The following TIPIN variants were observed in gnomAD, a reference collection of about 807,000 sequenced individuals.
TIPIN encodes TIMELESS interacting protein, also known as TIMELESS-interacting protein.
A neutral mutation model predicts 35.6 loss-of-function variants in TIPIN; 29 were observed. The ratio of observed to expected loss-of-function variants is 0.82; its 90% CI spans 0.61 to 1.11. TIPIN has a LOEUF of 1.11. TIPIN is among the 50% of genes most tolerant of loss of function. The pLI is 0.00. For missense variants in TIPIN, 296 were observed against 345.4 expected (o/e 0.86, Z 1.13); for synonymous variants, 102 against 121.5 (o/e 0.84, Z 1.06).
At chr15:66,344,421 CA>C (rs550775969) in intron 6 of TIPIN, among the ~76,000 whole-genome samples, 2 of 146,036 alleles carry the variant, frequency 1.4e-5, no homozygotes, top group East Asian at 2.0e-4. Flanking sequence ...GTCTCTATTA[CA>C]AAAAAAAGTA....
chr15:66,341,512 T>TTCAATTA (rs2093087194), intron 6 of TIPIN, among the ~76,000 whole-genome samples, 156 bp from the exon 7 acceptor site: 5,216 of 6,490 alleles, frequency 0.8, 2,401 homozygotes, highest in Middle Eastern at 1. Context: ...CTCACGCCTG[T>TTCAATTA]AATCCCAGCA....
intron 1 of TIPIN, among the ~76,000 whole-genome samples, chr15:66,355,027 CTTTT>C (rs747834289): frequency 1.8e-5 from 2 of 112,718 alleles, no homozygotes; most frequent in Admixed American, 1.0e-4. Flanking sequence ...CAATATATAT[CTTTT>C]TTTTTTTTTT....
upstream of TIPIN, among the ~76,000 whole-genome samples, chr15:66,360,548 C>T (rs138171013): frequency 3.3e-5 from 5 of 152,218 alleles, no homozygotes; most frequent in African/African-American, 1.2e-4. Flanking sequence ...ACTAATTGTC[C>T]ACCGGATGCA....
At chr15:66,357,216 T>C (rs568953878), upstream of TIPIN, among the ~76,000 whole-genome samples, 31 of 152,204 alleles carry the variant, frequency 2.0e-4, no homozygotes, top group Admixed American at 5.9e-4. Flanking sequence ...TGAGCCACTG[T>C]GCCCGGCACT....
At chr15:66,342,331 C>T (rs1595785946) in intron 6 of TIPIN, among the ~76,000 whole-genome samples, 1 of 152,038 alleles carries the variant, frequency 6.6e-6, no homozygotes, top group Admixed American at 6.6e-5. Context: ...AATAGTTTCC[C>T]AGTGTCAATA....
chr15:66,337,277 G>A, intron 7 of TIPIN, 96 bp from the exon 8 acceptor site: 1 of 861,672 alleles, frequency 1.2e-6, no homozygotes, highest in Non-Finnish European at 1.7e-6. Context: ...TTAGTAAAAT[G>A]AAGTCTAAGA....
chr15:66,369,760 C>G (rs1486746125), intron 1 of TIPIN, among the ~76,000 whole-genome samples: 2 of 152,178 alleles, frequency 1.3e-5, no homozygotes, highest in Non-Finnish European at 2.9e-5. Context: ...TGACCTGCCC[C>G]TGAGCAAGAG....
rs556792547 is a variant in TIPIN, at chr15:66,338,148, C to T, written c.683-967G>A. Among the ~76,000 whole-genome samples the T allele has an allele frequency of 1.7e-4, 26 of 151,766 alleles. No homozygotes were observed. The South Asian group carries it at 4.0e-3, about 23-fold the overall frequency. On this transcript the variant is annotated intron_variant, in intron 7 of 7. Transcript: ENST00000261881. ...GAGCACGCCTGTAATCCCAGCTACT[C>T]GGGAGGCTGGGACAGGAGAATCGCT... is the stretch of plus-strand genomic sequence containing the variant.
chr15:66,341,946 G>A (rs1265331678), intron 6 of TIPIN, among the ~76,000 whole-genome samples: 16 of 152,184 alleles, frequency 1.1e-4, no homozygotes, highest in African/African-American at 3.1e-4. Flanking sequence ...AACACTTTGG[G>A]AAGCCGAGGC....
chr15:66,371,615 G>A (rs1176489097), intron 1 of TIPIN, among the ~76,000 whole-genome samples: 1 of 151,828 alleles, frequency 6.6e-6, no homozygotes, highest in Non-Finnish European at 1.5e-5. Context: ...CCAGGTTCAG[G>A]CCATTCTCCT....
At chr15:66,339,131 CAA>C (rs35065958) in intron 7 of TIPIN, among the ~76,000 whole-genome samples, 1 of 20,584 alleles carries the variant, frequency 4.9e-5, no homozygotes, top group Non-Finnish European at 7.0e-5. Flanking sequence ...GACTCCATCT[CAA>C]AAAAAAAAAA....
intron 6 of TIPIN, chr15:66,348,327 T>G (rs1394261665): frequency 6.6e-6 from 1 of 151,774 alleles, no homozygotes; most frequent in African/African-American, 2.4e-5. Context: ...ATCAAACTCC[T>G]TGTTCTACTC....
At chr15:66,385,607 G>A (rs1006724140) in intron 1 of TIPIN, among the ~76,000 whole-genome samples, 4 of 151,428 alleles carry the variant, frequency 2.6e-5, no homozygotes, top group African/African-American at 9.7e-5. Context: ...CTCTGCCTCA[G>A]CCCCCCAAGT....
At chr15:66,354,762 A>G (rs1374576632) in intron 1 of TIPIN, among the ~76,000 whole-genome samples, 1 of 151,954 alleles carries the variant, frequency 6.6e-6, no homozygotes, top group Non-Finnish European at 1.5e-5. Flanking sequence ...CTATTCCTTG[A>G]CTCCTAATAT....
chr15:66,354,897 T>C (rs905144884), intron 1 of TIPIN, among the ~76,000 whole-genome samples: 1 of 152,202 alleles, frequency 6.6e-6, no homozygotes, highest in Non-Finnish European at 1.5e-5. Context: ...TATCAGGTTT[T>C]ATTTATACAG....
At chr15:66,337,781 A>AAAAAAAAAAAAAAT (rs1566969375) in intron 7 of TIPIN, among the ~76,000 whole-genome samples, 4 of 62,840 alleles carry the variant, frequency 6.4e-5, no homozygotes, top group Admixed American at 1.7e-4. Context: ...AAAATAAAAT[A>AAAAAAAAAAAAAAT]AAAAAAAAAA....
chr15:66,349,386 G>C lies in TIPIN; in HGVS notation c.340C>G (p.Leu114Val). The C allele has an allele frequency of 6.2e-7, 1 of 1,614,030 alleles. No individual in the cohort carries two copies. The highest frequency in any genetic ancestry group is 2.2e-5 in the East Asian group (1 of 44,868). ...TCCTCAAACTGCAGTTTAGGGAATA[G>C]CCTATGTGCCCAGTGCTCCATGTGT... ...IRHMEHWAHR[L>V]FPKLQFEDFI... is the part of the protein sequence containing the mutation. The change falls in exon 5 of 8, where the codon CTA becomes GTA. Residue 114 changes from leucine (L) to valine (V), a missense_variant. By Grantham distance (32) the Leu-to-Val change is conservative. Transcript: ENST00000261881.
At chr15:66,351,635 T>G (rs746374797) in intron 3 of TIPIN, 35 bp from the exon 4 acceptor site, 9 of 1,498,652 alleles carry the variant, frequency 6.0e-6, no homozygotes, top group Non-Finnish European at 8.0e-6. Flanking sequence ...TTTCAAGTTT[T>G]ATTTTCTTTT....
intron 4 of TIPIN, among the ~76,000 whole-genome samples, chr15:66,351,292 C>G (rs975077392): frequency 6.6e-6 from 1 of 152,296 alleles, no homozygotes; most frequent in East Asian, 1.9e-4. Flanking sequence ...TTTACAGACA[C>G]AGGTGTGATT....
Sources: allele counts gnomAD v4.1 joint callset (sites outside exome capture counted in the v4.1 genomes callset), GRCh38; gene constraint gnomAD v4.1.1; transcripts MANE v1.5; gene names NCBI Gene and HGNC (gene_info 2026-07-23, HGNC 2026-07-21).